Variants in ITSN1 observed in about 807,000 individuals in gnomAD.
ITSN1 encodes intersectin 1.
In ITSN1, 58 loss-of-function variants were observed where a neutral mutation model predicts 239.8. That is an observed-to-expected ratio of 0.24 (90% CI 0.20 to 0.30). The LOEUF (loss-of-function observed/expected upper bound fraction) is 0.30. Among genes scored for constraint, ITSN1 ranks in the 10% least tolerant of loss-of-function variants. The pLI is 1.00. For missense variants in ITSN1, 1,558 were observed against 2,103.3 expected (o/e 0.74, Z 5.07); for synonymous variants, 780 against 770.8 (o/e 1.01, Z -0.20).
Position 33,885,518 on chromosome 21 carries a change from A to G in ITSN1, c.4839A>G (p.Ser1613=), listed in dbSNP as rs748381229. 29 of 1,613,868 alleles carry G rather than the reference A, an allele frequency of 1.8e-5. No homozygotes were observed. Among genetic ancestry groups the G allele is most frequent in the Non-Finnish European group, 2.3e-5 (27 of 1,179,930 alleles). Residue 1613 remains serine (S), a synonymous_variant, in exon 38 of 40, where the codon TCA becomes TCG. Transcript: ENST00000381318. The part of the protein sequence containing the change: ...VEGIELKPCR[S]HGKSNPYCEV... ...GCATCGAGTTGAAACCCTGTCGGTC[A>G]CATGGTAAGGCTGTGAGGCGCCCCC...
rs1568974927 is a variant in ITSN1 at position 33,702,111 on chromosome 21, T to TAAACA, written c.-32-16686_-32-16685insAAACA. ...CAAAAAAATTTTTTTTTTTTTTTTTTTTTTTTTTTTTTTTTTTTTTTTTAG... is the reference window on the plus strand; with the variant it reads ...CAAAAAAATTTTTTTTTTTTTTTTTTAAACATTTTTTTTTTTTTTTTTTTTTTTAG... On this transcript the variant is annotated intron_variant, in intron 1 of 39. Transcript: ENST00000381318. Among the ~76,000 whole-genome samples, 13 of 107,830 alleles carry TAAACA rather than the reference T, an allele frequency of 1.2e-4. 2 individuals are homozygous for TAAACA. Among genetic ancestry groups the TAAACA allele is most frequent in the African/African-American group, 3.1e-4 (7 of 22,570 alleles). 70.7% of individuals were successfully genotyped at this position (107,830 alleles called of 152,430 possible). A position where few individuals can be genotyped will look rare whatever the true frequency, so the allele number is the denominator to read the frequency against.
intron 1 of ITSN1, among the ~76,000 whole-genome samples, chr21:33,657,440 G>C (rs563381807): frequency 1.3e-5 from 2 of 152,200 alleles, no homozygotes; most frequent in South Asian, 2.1e-4. Context: ...CCCTTTGAGG[G>C]CTTCTTATCC....
At chr21:33,885,309 A>C in intron 37 of ITSN1, 130 bp from the exon 38 acceptor site, 1 of 1,027,652 alleles carries the variant, frequency 9.7e-7, no homozygotes, top group South Asian at 1.4e-5. Flanking sequence ...CAAGGAAGCA[A>C]GTGTTTAAGG....
rs148187512 is a variant in ITSN1 at position 33,891,187 on chromosome 21, G to A, written c.*2887G>A. On this transcript the variant is annotated 3_prime_UTR_variant, in exon 40 of 40. Coordinates refer to ENST00000381318, the MANE Select transcript of ITSN1 (RefSeq NM_003024.3). ...GAGAGCCTGAAGATGTGGCTCATTC[G>A]GATCCAGGCCTGGACTAATCTGGAA... The A allele has an allele frequency of 1.3e-5, 2 of 152,308 alleles. No individual in the cohort carries two copies. The highest frequency in any genetic ancestry group is 2.4e-5 in the African/African-American group (1 of 41,554). 9.4% of individuals were successfully genotyped at this position (152,308 alleles called of 1,614,324 possible).
chr21:33,791,970 T>G (rs1488397505), intron 16 of ITSN1, among the ~76,000 whole-genome samples: 1 of 152,220 alleles, frequency 6.6e-6, no homozygotes, highest in Non-Finnish European at 1.5e-5. Flanking sequence ...GTTATTTTGC[T>G]TATGCTTTTT....
At chr21:33,851,785 T>TA (rs1978352852) in intron 29 of ITSN1, among the ~76,000 whole-genome samples, 2 of 130,850 alleles carry the variant, frequency 1.5e-5, no homozygotes, top group Admixed American at 1.5e-4. Context: ...TTCCTTTTTT[T>TA]TTTTTTTTTT....
At chr21:33,790,948 TGA>T (rs2071079630) in intron 16 of ITSN1, among the ~76,000 whole-genome samples, 1 of 152,196 alleles carries the variant, frequency 6.6e-6, no homozygotes, top group African/African-American at 2.4e-5. Flanking sequence ...TGGAGAAGAA[TGA>T]GAGAATAGTG....
At position 33,668,883 on chromosome 21, in the gene ITSN1, CCT is replaced by C. The variant is rs562116347; in HGVS notation, c.-33+26173_-33+26174del. Among the ~76,000 whole-genome samples, 54 of 152,170 alleles carry C rather than the reference CCT, an allele frequency of 3.5e-4. 1 individual carries two copies. The highest frequency in any genetic ancestry group is 6.9e-4 in the Non-Finnish European group (47 of 68,040). On this transcript the variant is annotated intron_variant, in intron 1 of 39. Transcript: ENST00000381318. ...CTCCTCCGTCCTGCTTCTTTGAAAA[CCT>C]CTGACCTAAAAGGTTTTTGAAGCTG...
At chr21:33,693,318 T>C (rs996554652) in intron 1 of ITSN1, among the ~76,000 whole-genome samples, 1 of 151,850 alleles carries the variant, frequency 6.6e-6, no homozygotes, top group Non-Finnish European at 1.5e-5. Context: ...CTCATACCCT[T>C]CTTGCTGTTT....
chr21:33,746,088 A>G (rs771311703), intron 5 of ITSN1, among the ~76,000 whole-genome samples: 2 of 152,182 alleles, frequency 1.3e-5, no homozygotes, highest in Non-Finnish European at 1.5e-5. Flanking sequence ...CAATCCGTAA[A>G]AAGCCAGGCT....
intron 1 of ITSN1, among the ~76,000 whole-genome samples, chr21:33,677,635 C>T (rs1376702870): frequency 2.0e-5 from 3 of 152,158 alleles, no homozygotes; most frequent in South Asian, 4.1e-4. Flanking sequence ...CCACCGCACC[C>T]AGCCCAAAAC....
chr21:33,799,046 C>G (rs938153732), intron 18 of ITSN1, among the ~76,000 whole-genome samples: 2 of 152,160 alleles, frequency 1.3e-5, no homozygotes, highest in African/African-American at 2.4e-5. Flanking sequence ...ATACTTCCCC[C>G]TCGTTGCTTT....
At chr21:33,692,133 G>A (rs1224460678) in intron 1 of ITSN1, among the ~76,000 whole-genome samples, 1 of 152,222 alleles carries the variant, frequency 6.6e-6, no homozygotes, top group Non-Finnish European at 1.5e-5. Flanking sequence ...GGGGACTGGA[G>A]GAGGTTGCGG....
chr21:33,787,614 T>A (rs1475250164), intron 16 of ITSN1, among the ~76,000 whole-genome samples: 1 of 151,934 alleles, frequency 6.6e-6, no homozygotes, highest in Non-Finnish European at 1.5e-5. Context: ...ATGAAGGCAG[T>A]GAAAGGCAAA....
chr21:33,876,102 C>CTCTTTCT (rs1441712849), intron 34 of ITSN1, among the ~76,000 whole-genome samples: 1 of 110,094 alleles, frequency 9.1e-6, no homozygotes, highest in East Asian at 3.1e-4. Flanking sequence ...TCTTTCTTTC[C>CTCTTTCT]TTCTTTCTTT....
chr21:33,861,226 A>G (rs891714771), intron 31 of ITSN1, among the ~76,000 whole-genome samples: 4 of 152,182 alleles, frequency 2.6e-5, no homozygotes, highest in Non-Finnish European at 4.4e-5. Flanking sequence ...GGCTGCATAG[A>G]CATAATTTCT....
intron 15 of ITSN1, among the ~76,000 whole-genome samples, chr21:33,781,760 G>A (rs1011100255): frequency 7.9e-5 from 12 of 152,002 alleles, no homozygotes; most frequent in Admixed American, 7.9e-4. Context: ...TGTATTTTTA[G>A]TAGAGATGGG....
At chr21:33,744,745 C>T (rs2067079133) in intron 5 of ITSN1, among the ~76,000 whole-genome samples, 1 of 151,994 alleles carries the variant, frequency 6.6e-6, no homozygotes, top group Admixed American at 6.6e-5. Flanking sequence ...TTACATTGGC[C>T]AAAGAGAGGA....
At chr21:33,661,424 G>A (rs1364155282) in intron 1 of ITSN1, among the ~76,000 whole-genome samples, 2 of 151,824 alleles carry the variant, frequency 1.3e-5, no homozygotes, top group Admixed American at 6.6e-5. Context: ...AAGACATCCT[G>A]TTGTAAAACT....
Sources: allele counts gnomAD v4.1 joint callset (sites outside exome capture counted in the v4.1 genomes callset), GRCh38; gene constraint gnomAD v4.1.1; transcripts MANE v1.5; gene names NCBI Gene and HGNC (gene_info 2026-07-23, HGNC 2026-07-21).